HIRA: variants seen among roughly 807,000 people sequenced by gnomAD.
HIRA encodes histone cell cycle regulator.
Under a neutral mutation model 126.6 loss-of-function variants are expected in HIRA, and 13 were observed. The ratio of observed to expected loss-of-function variants is 0.10; its 90% CI spans 0.07 to 0.16. The LOEUF (loss-of-function observed/expected upper bound fraction) is 0.16, where lower values mean the gene tolerates loss of function less well. HIRA is among the 10% of genes least tolerant of loss of function. HIRA has a pLI of 1.00. For missense variants in HIRA, 834 were observed against 1,314.4 expected, an observed-to-expected ratio of 0.63 and a Z score of 5.65; for synonymous variants, 511 against 520.0, an observed-to-expected ratio of 0.98 and a Z score of 0.24.
chr22:19,378,191 G>T, intron 13 of HIRA, 125 bp from the exon 14 acceptor site: 1 of 619,686 alleles, frequency 1.6e-6, no homozygotes, highest in Non-Finnish European at 2.5e-6. Context: ...AATCTGCAAA[G>T]TTACAGAAAA....
chr22:19,360,834 C>G (rs1039644943), intron 17 of HIRA, among the ~76,000 whole-genome samples: 35 of 152,242 alleles, frequency 2.3e-4, no homozygotes, highest in African/African-American at 7.5e-4. Flanking sequence ...ACTGAGAAGA[C>G]AAAGCTAGCA....
At chr22:19,368,757 C>T (rs931227144) in intron 15 of HIRA, among the ~76,000 whole-genome samples, 4 of 152,178 alleles carry the variant, frequency 2.6e-5, no homozygotes, top group Admixed American at 6.5e-5. Flanking sequence ...GTCACAGCAA[C>T]GTCCAACTAT....
chr22:19,408,976 G>A (rs1474019135), intron 2 of HIRA, among the ~76,000 whole-genome samples: 1 of 152,166 alleles, frequency 6.6e-6, no homozygotes, highest in African/African-American at 2.4e-5. Flanking sequence ...TGAGGAGAAG[G>A]GAAAGTCAAT....
At position 19,353,494 on chromosome 22, in the gene HIRA, A is replaced by G; in HGVS notation, c.2710T>C (p.Phe904Leu). ...TGCTGCACCACATGAGGCACGGAGA[A>G]GAGCCGGGCAGCCTGCCTTCCCGAG... ...SNSGRQAARL[F>L]SVPHVVQQET... Residue 904 changes from phenylalanine to leucine, a missense_variant, in exon 23 of 25, where the codon TTC becomes CTC. Physicochemically the swap from Phe to Leu is conservative, Grantham distance 22. Transcript: ENST00000263208. 6.2e-7 allele frequency: 1 copy of G among 1,611,086 alleles called. No individual in the cohort carries two copies. The highest frequency in any genetic ancestry group is 8.5e-7 in the Non-Finnish European group (1 of 1,179,174).
intron 14 of HIRA, among the ~76,000 whole-genome samples, chr22:19,376,678 T>TC (rs1459633226): frequency 1.3e-5 from 2 of 151,926 alleles, no homozygotes; most frequent in African/African-American, 4.8e-5. Flanking sequence ...CCTCTCAGGG[T>TC]CCCCCCAGGG....
chr22:19,416,366 C>T (rs1252319920), intron 1 of HIRA, among the ~76,000 whole-genome samples: 1 of 152,020 alleles, frequency 6.6e-6, no homozygotes, highest in African/African-American at 2.4e-5. Context: ...TTCTGTCGCC[C>T]AGGCTGGAGT....
intron 24 of HIRA, among the ~76,000 whole-genome samples, chr22:19,333,485 T>C (rs186343442): frequency 6.6e-6 from 1 of 152,322 alleles, no homozygotes; most frequent in African/African-American, 2.4e-5. Context: ...TCAGGAATAC[T>C]ATTTTAAAAC....
At chr22:19,413,777 A>T (rs1414960973) in intron 1 of HIRA, among the ~76,000 whole-genome samples, 1 of 151,784 alleles carries the variant, frequency 6.6e-6, no homozygotes, top group African/African-American at 2.4e-5. Flanking sequence ...ACGCCCAGCT[A>T]ATTTTGGTAT....
At position 19,351,481 on chromosome 22, in the gene HIRA, AAAAAC is replaced by A. The variant is rs782037238; in HGVS notation, c.2849-40_2849-36del. The A allele has an allele frequency of 8.8e-6, 13 of 1,473,344 alleles. No individual in the cohort carries two copies. In the South Asian group the frequency reaches 1.3e-4, roughly 15 times the overall value. The allele number at this position is 1,473,344 out of a possible 1,614,324, so 91.3% of individuals were successfully genotyped here. A position where few individuals can be genotyped will look rare whatever the true frequency, so the allele number is the denominator to read the frequency against. On this transcript the variant is annotated intron_variant, in intron 23 of 24. Coordinates refer to ENST00000263208, the MANE Select transcript of HIRA (RefSeq NM_003325.4). This position sits in a 1 kb window ranked among gnomAD's most constrained non-coding sequence, Gnocchi z 4.8. ...GAAAAACAAACAAACAACAACAACA[AAAAAC>A]AAAACAGAAATAGGAACACATTACA... is the stretch of plus-strand genomic sequence containing the variant.
chr22:19,361,569 G>C (rs962853094), intron 16 of HIRA, among the ~76,000 whole-genome samples, 158 bp downstream of exon 16: 1 of 152,248 alleles, frequency 6.6e-6, no homozygotes, highest in South Asian at 2.1e-4. Context: ...ATCTGAGGGA[G>C]AGCGTGGCCT....
At position 19,398,708 on chromosome 22, in the gene HIRA, G is replaced by A. The variant is rs146611052; in HGVS notation, c.398-621C>T. Among the ~76,000 whole-genome samples, 780 of 152,300 alleles carry A rather than the reference G, an allele frequency of 5.1e-3. 8 individuals carry two copies. Among genetic ancestry groups the A allele is most frequent in the African/African-American group, 0.018 (732 of 41,564 alleles). The stretch of plus-strand genomic sequence containing the variant: ...AAACAAAATCTAGGCCAGGTGCAGG[G>A]ACTCACGTCTGTAATCTCAGCATTT... On this transcript the variant is annotated intron_variant, in intron 5 of 24. Coordinates refer to ENST00000263208, the MANE Select transcript of HIRA (RefSeq NM_003325.4).
chr22:19,409,979 T>C lies in HIRA; in HGVS notation c.100+737A>G, dbSNP rs775730880. On this transcript the variant is annotated intron_variant, in intron 2 of 24. Coordinates refer to ENST00000263208, the MANE Select transcript of HIRA (RefSeq NM_003325.4). ...TGCTGGAAACCCACCCTGCAGCACC[T>C]GGCCTGAGGACCTAGAGCTCACAAA... Among the ~76,000 whole-genome samples the C allele has an allele frequency of 3.9e-5, 6 of 152,206 alleles. No individual in the cohort carries two copies. The South Asian group carries it at 1.2e-3, about 31-fold the overall frequency.
intron 24 of HIRA, among the ~76,000 whole-genome samples, chr22:19,337,893 G>A (rs1003971267): frequency 3.3e-5 from 5 of 151,996 alleles, no homozygotes; most frequent in African/African-American, 7.3e-5. Context: ...CCTGGTTCAC[G>A]CAATTCTCCT....
chr22:19,337,583 G>A (rs951033654), intron 24 of HIRA, among the ~76,000 whole-genome samples: 5 of 152,242 alleles, frequency 3.3e-5, no homozygotes, highest in African/African-American at 1.2e-4. Flanking sequence ...TCTGAAAAAC[G>A]TATTTGTGGG....
At chr22:19,387,941 TC>T in intron 10 of HIRA, 125 bp from the exon 11 acceptor site, 4 of 107,312 alleles carry the variant, frequency 3.7e-5, no homozygotes, top group South Asian at 1.3e-4. Flanking sequence ...CTGGTTCCCT[TC>T]TGTGGCCTGG....
chr22:19,398,366 C>G (rs566612899), intron 5 of HIRA, among the ~76,000 whole-genome samples: 1 of 152,228 alleles, frequency 6.6e-6, no homozygotes, highest in Non-Finnish European at 1.5e-5. Flanking sequence ...CCTGCTACTT[C>G]GTGGGTCTGT....
chr22:19,389,800 C>T (rs532638242), intron 9 of HIRA, among the ~76,000 whole-genome samples: 12 of 150,462 alleles, frequency 8.0e-5, no homozygotes, highest in South Asian at 2.1e-4. Flanking sequence ...GTCCCCTGAA[C>T]GGCAATCTGT....
At chr22:19,424,205 G>A (rs980336812) in intron 1 of HIRA, among the ~76,000 whole-genome samples, 1 of 152,214 alleles carries the variant, frequency 6.6e-6, no homozygotes, top group African/African-American at 2.4e-5. Flanking sequence ...CCAGGGAGGT[G>A]TCTAATAGAA....
chr22:19,331,594 T>C, intron 24 of HIRA, 38 bp from the exon 25 acceptor site: 1 of 1,546,954 alleles, frequency 6.5e-7, no homozygotes, highest in Non-Finnish European at 8.8e-7. Flanking sequence ...CAAGTGTCAG[T>C]GAAGAGACCT....
Sources: allele counts gnomAD v4.1 joint callset (sites outside exome capture counted in the v4.1 genomes callset), GRCh38; gene constraint gnomAD v4.1.1; non-coding constraint Gnocchi (gnomAD v3.1); transcripts MANE v1.5; gene names NCBI Gene and HGNC (gene_info 2026-07-23, HGNC 2026-07-21).